Variants in FUBP1 observed in about 807,000 individuals in gnomAD.
The protein encoded by FUBP1 is far upstream element binding protein 1, also known as far upstream element-binding protein 1.
A neutral mutation model predicts 94.9 loss-of-function variants in FUBP1; 16 were observed. The observed-to-expected ratio is 0.17, with a 90% CI of 0.11 to 0.26. FUBP1 has a LOEUF of 0.26. Among genes scored for constraint, FUBP1 ranks in the 10% least tolerant of loss-of-function variants. The probability of loss-of-function intolerance (pLI) is 1.00; values close to 1 mark genes in which losing one functional copy is unlikely to be tolerated. For missense variants in FUBP1, 583 were observed against 808.6 expected, an observed-to-expected ratio of 0.72 and a Z score of 3.38; for synonymous variants, 279 against 254.9, an observed-to-expected ratio of 1.09 and a Z score of -0.90.
intron 18 of FUBP1, among the ~76,000 whole-genome samples, chr1:77,952,217 C>T (rs971324581): frequency 6.6e-5 from 10 of 151,024 alleles, no homozygotes; most frequent in East Asian, 1.9e-4. Context: ...TCAGCCTGGG[C>T]GACAGGGAAA....
chr1:77,947,115 C>G lies in FUBP1; in HGVS notation c.*1651G>C, dbSNP rs1448758432. 1 of 206,108 alleles carries G rather than the reference C, an allele frequency of 4.9e-6. No homozygotes were observed. Among genetic ancestry groups the G allele is most frequent in the East Asian group, 7.5e-5 (1 of 13,422 alleles). 12.8% of individuals were successfully genotyped at this position (206,108 alleles called of 1,614,324 possible). On this transcript the variant is annotated 3_prime_UTR_variant, in exon 20 of 20. Transcript: ENST00000370768. The stretch of plus-strand genomic sequence containing the variant: ...AAATCCCCTTCTGTCTGATACATTT[C>G]AAGACTTTCATATTAAATATAGAAG...
At chr1:77,956,519 T>C (rs372255352) in intron 17 of FUBP1, 53 bp downstream of exon 17, 6 of 1,344,824 alleles carry the variant, frequency 4.5e-6, no homozygotes, top group Admixed American at 3.5e-5. Context: ...GTACTTCATA[T>C]ATAATTCCAA....
At position 77,947,401 on chromosome 1, in the gene FUBP1, T is replaced by C. The variant is rs1414068907; in HGVS notation, c.*1365A>G. ...ATGGCATTTGCATTATGTGGAACAT[T>C]GACAAAAAGATACTGTTGCAGTTCA... On this transcript the variant is annotated 3_prime_UTR_variant, in exon 20 of 20. Transcript: ENST00000370768. 1 of 547,940 alleles carries C rather than the reference T, an allele frequency of 1.8e-6. No individual in the cohort carries two copies. The highest frequency in any genetic ancestry group is 3.4e-6 in the Non-Finnish European group (1 of 294,732). 33.9% of individuals were successfully genotyped at this position (547,940 alleles called of 1,614,324 possible).
intron 3 of FUBP1, 47 bp downstream of exon 3, chr1:77,968,118 T>G: frequency 8.1e-7 from 1 of 1,236,890 alleles, no homozygotes; most frequent in Non-Finnish European, 1.1e-6. Flanking sequence ...ATCTTAACAT[T>G]GAAATTGTTA....
Position 77,964,690 on chromosome 1 carries a change from G to A in FUBP1, c.793C>T (p.Arg265Trp), listed in dbSNP as rs569612114. ...CCTATTCTTGACCCATACTCATTCCGAACTTCTCTGAAACCGCCTTGATCA... is the reference window on the plus strand; with the variant it reads ...CCTATTCTTGACCCATACTCATTCCAAACTTCTCTGAAACCGCCTTGATCA... Reference protein sequence around the residue: ...IRDQGGFREVRNEYGSRIGGN... With the variant: ...IRDQGGFREVWNEYGSRIGGN... The change falls in exon 10 of 20, where the codon CGG (arginine) becomes TGG (tryptophan). Residue 265 changes from arginine to tryptophan, a missense_variant. By Grantham distance (101) the Arg-to-Trp change is moderately radical. Transcript: ENST00000370768. 17 of 1,612,342 alleles carry A rather than the reference G, an allele frequency of 1.1e-5. No individual in the cohort carries two copies. Among genetic ancestry groups the A allele is most frequent in the East Asian group, 4.5e-5 (2 of 44,852 alleles).
At chr1:77,963,760 C>G in intron 12 of FUBP1, 45 bp from the exon 13 acceptor site, 1 of 1,508,728 alleles carries the variant, frequency 6.6e-7, no homozygotes, top group Non-Finnish European at 9.0e-7. Context: ...CACAGAAATA[C>G]TTTTGTTTCA....
chr1:77,955,630 G>GGA, intron 17 of FUBP1, among the ~76,000 whole-genome samples: 1 of 152,252 alleles, frequency 6.6e-6, no homozygotes, highest in East Asian at 1.9e-4. Flanking sequence ...TTGTAAACAA[G>GGA]TACAAAAAAG....
Position 77,948,153 on chromosome 1 carries a change from T to A in FUBP1, c.*613A>T. On this transcript the variant is annotated 3_prime_UTR_variant, in exon 20 of 20. Transcript: ENST00000370768. ...ATGCCAAAAGATCATTGTACACACA[T>A]GCAGTTTTTAATCAAACAGAAGGAA... 5 of 1,040,364 alleles carry A rather than the reference T, an allele frequency of 4.8e-6. No individual in the cohort carries two copies. The highest frequency in any genetic ancestry group is 5.8e-6 in the Non-Finnish European group (5 of 863,050). The allele number at this position is 1,040,364 out of a possible 1,614,324, so 64.4% of individuals were successfully genotyped here. A position where few individuals can be genotyped will look rare whatever the true frequency, so the allele number is the denominator to read the frequency against.
In FUBP1 at chr1:77,967,066, T is replaced by C. The variant is rs759554780; in HGVS notation, c.326A>G (p.Asp109Gly). The C allele has an allele frequency of 6.3e-7, 1 of 1,590,310 alleles. No individual in the cohort carries two copies. Among genetic ancestry groups the C allele is most frequent in the Non-Finnish European group, 8.6e-7 (1 of 1,160,640 alleles). Reference sequence around the variant, plus strand: ...TTACTTACTGAATCCAACCATTCCATCTGGAACTTTGTATTCTTCTGTCAT... The same window carrying C: ...TTACTTACTGAATCCAACCATTCCACCTGGAACTTTGTATTCTTCTGTCAT... ...SVMTEEYKVP[D>G]GMVGFIIGRG... Residue 109 changes from aspartate (D) to glycine (G), a missense_variant, in exon 5 of 20, where the codon GAT becomes GGT. Transcript: ENST00000370768.
chr1:77,971,820 C>T (rs1657593550), intron 1 of FUBP1, among the ~76,000 whole-genome samples: 2 of 151,852 alleles, frequency 1.3e-5, no homozygotes, highest in East Asian at 1.9e-4. Flanking sequence ...CCAGCCTGAC[C>T]AACATGGAGA....
intron 7 of FUBP1, 56 bp downstream of exon 7, chr1:77,966,638 T>G (rs528012867): frequency 1.1e-6 from 1 of 869,846 alleles, no homozygotes; most frequent in African/African-American, 1.7e-5. Context: ...AGAGACAAAA[T>G]TCAAAGAGTT....
In FUBP1 at chr1:77,965,131, T is replaced by A; in HGVS notation, c.574A>T (p.Ile192Phe). The A allele has an allele frequency of 6.2e-7, 1 of 1,612,734 alleles. No individual in the cohort carries two copies. Residue 192 changes from isoleucine (I) to phenylalanine (F), a missense_variant, in exon 8 of 20, where the codon ATT becomes TTT. Ile to Phe is a conservative substitution (Grantham distance 21). Coordinates refer to ENST00000370768, the MANE Select transcript of FUBP1 (RefSeq NM_003902.5). Reference sequence around the variant, plus strand: ...ACTAATCCTGCCTTGCTAGCTGGAATCATGATTTCTTGAACTGCATTTCCC... The same window carrying A: ...ACTAATCCTGCCTTGCTAGCTGGAAACATGATTTCTTGAACTGCATTTCCC... ...GPGNAVQEIM[I>F]PASKAGLVIG... is the part of the protein sequence containing the mutation.
chr1:77,975,018 T>A (rs1658336311), intron 1 of FUBP1, among the ~76,000 whole-genome samples: 1 of 152,246 alleles, frequency 6.6e-6, no homozygotes, highest in East Asian at 1.9e-4. Context: ...AAAGCATCTC[T>A]AAATTACTTA....
chr1:77,970,037 A>G (rs1231413785), intron 1 of FUBP1, 22 bp from the exon 2 acceptor site: 12 of 1,246,222 alleles, frequency 9.6e-6, no homozygotes, highest in South Asian at 1.3e-5. Context: ...AAAGAAAAAT[A>G]CCATCATAAA....
Position 77,967,030 on chromosome 1 carries a change from T to TAAA in FUBP1, c.343+16_343+18dup. The TAAA allele has an allele frequency of 6.4e-7, 1 of 1,572,510 alleles. No individual in the cohort carries two copies. The highest frequency in any genetic ancestry group is 8.7e-7 in the Non-Finnish European group (1 of 1,145,186). On this transcript the variant is annotated intron_variant, in intron 5 of 19. Coordinates refer to ENST00000370768, the MANE Select transcript of FUBP1 (RefSeq NM_003902.5). ...TGTTTTGATCATGTTTTCAAAACTT[T>TAAA]AAAAATCAAGTTACTTACTGAATCC...
Position 77,944,419 on chromosome 1 carries a change from C to T in FUBP1, c.*4347G>A, listed in dbSNP as rs1379901651. ...GGATTTATTTGCTTATTAAAAGCAC[C>T]AATTTAAAAAAATCCCTCAAAAGCT... On this transcript the variant is annotated 3_prime_UTR_variant, in exon 20 of 20. Transcript: ENST00000370768. The T allele has an allele frequency of 4.8e-6, 1 of 208,348 alleles. No individual in the cohort carries two copies. The highest frequency in any genetic ancestry group is 9.8e-6 in the Non-Finnish European group (1 of 102,264). The allele number at this position is 208,348 out of a possible 1,614,324, so 12.9% of individuals were successfully genotyped here. A position where few individuals can be genotyped will look rare whatever the true frequency, so the allele number is the denominator to read the frequency against.
In FUBP1 at chr1:77,966,942, T is replaced by A. The variant is rs1298548842; in HGVS notation, c.357A>T (p.Gly119=). The part of the protein sequence containing the change: ...DGMVGFIIGR[G]GEQISRIQQE... ...GTTGTATGCGTGAGATCTGTTCACC[T>A]CCTCTGCCAATTACTAGTTAGAAAA... Residue 119 remains glycine (G), a synonymous_variant, in exon 6 of 20, where the codon GGA becomes GGT. Coordinates refer to ENST00000370768, the MANE Select transcript of FUBP1 (RefSeq NM_003902.5). 2 of 1,601,718 alleles carry A rather than the reference T, an allele frequency of 1.2e-6. No individual in the cohort carries two copies. Among genetic ancestry groups the A allele is most frequent in the African/African-American group, 1.3e-5 (1 of 74,584 alleles).
At chr1:77,956,808 A>T in intron 16 of FUBP1, 108 bp from the exon 17 acceptor site, 2 of 622,264 alleles carry the variant, frequency 3.2e-6, no homozygotes, top group South Asian at 7.8e-5. Flanking sequence ...CAGCCCCCAA[A>T]ATTAACTAGA....
rs939150798 is a variant in FUBP1, at chr1:77,948,059, T to C, written c.*707A>G. 8.7e-6 allele frequency: 9 copies of C among 1,032,218 alleles called. No individual in the cohort carries two copies. The highest frequency in any genetic ancestry group is 6.8e-5 in the African/African-American group (4 of 59,146). The allele number at this position is 1,032,218 out of a possible 1,614,324, so 63.9% of individuals were successfully genotyped here. ...TTAAGAACAGAAAGGTTAACTGTTA[T>C]AGCAGCAGTACAGGTCTGAAACAGT... On this transcript the variant is annotated 3_prime_UTR_variant, in exon 20 of 20. Transcript: ENST00000370768.
Sources: gnomAD v4.1 joint callset for allele counts (sites outside exome capture counted in the v4.1 genomes callset) on GRCh38, gnomAD v4.1.1 for gene constraint, MANE v1.5 for transcripts, NCBI Gene and HGNC (gene_info 2026-07-23, HGNC 2026-07-21) for gene names.